Variants in MAP2K6 observed in about 807,000 individuals in gnomAD.
MAP2K6 encodes mitogen-activated protein kinase kinase 6.
A neutral mutation model predicts 53.7 loss-of-function variants in MAP2K6; 16 were observed. The observed-to-expected ratio is 0.30, with a 90% CI of 0.20 to 0.45. MAP2K6 has a LOEUF of 0.45. Ranked by LOEUF, MAP2K6 falls within the 20% of genes least tolerant of loss-of-function variation. MAP2K6 has a pLI of 1.00. For missense variants in MAP2K6, 204 were observed against 411.9 expected, an observed-to-expected ratio of 0.50 and a Z score of 4.37; for synonymous variants, 132 against 143.1, an observed-to-expected ratio of 0.92 and a Z score of 0.55.
chr17:69,521,620 T>A (rs544364346), intron 7 of MAP2K6: 2 of 152,326 alleles, frequency 1.3e-5, no homozygotes, highest in Admixed American at 1.3e-4. Context: ...ATTGGCCTGT[T>A]ATCTCTTCAA....
At chr17:69,483,950 C>T (rs1335855095) in intron 1 of MAP2K6, among the ~76,000 whole-genome samples, 1 of 151,912 alleles carries the variant, frequency 6.6e-6, no homozygotes, top group Non-Finnish European at 1.5e-5. Context: ...CTACAATTAA[C>T]CAAATACTTA....
intron 5 of MAP2K6, 108 bp downstream of exon 5, chr17:69,519,540 A>G: frequency 7.2e-7 from 1 of 1,381,794 alleles, no homozygotes; most frequent in Non-Finnish European, 1.0e-6. Flanking sequence ...TGTTTGACAC[A>G]TCTTGTATAC....
At chr17:69,539,796 CATTAAAAG>C (rs1400046746) in intron 11 of MAP2K6, among the ~76,000 whole-genome samples, 1 of 152,130 alleles carries the variant, frequency 6.6e-6, no homozygotes, top group Non-Finnish European at 1.5e-5. Context: ...CTTTTAAGTA[CATTAAAAG>C]ATTTCCAAAT....
intron 1 of MAP2K6, among the ~76,000 whole-genome samples, chr17:69,417,313 A>G (rs1905936479): frequency 6.6e-6 from 1 of 152,238 alleles, no homozygotes; most frequent in Non-Finnish European, 1.5e-5. Flanking sequence ...AAAAGTGGAT[A>G]CAATCTCATA....
chr17:69,478,098 C>G (rs997112636), intron 1 of MAP2K6, among the ~76,000 whole-genome samples: 2 of 152,128 alleles, frequency 1.3e-5, no homozygotes, highest in Non-Finnish European at 2.9e-5. Context: ...CATTTGAGTG[C>G]CTTATAGTTA....
chr17:69,541,797 G>C lies in MAP2K6; in HGVS notation c.*44G>C, dbSNP rs1303681313. 6.7e-7 allele frequency: 1 copy of C among 1,486,096 alleles called. No individual in the cohort carries two copies. Among genetic ancestry groups the C allele is most frequent in the South Asian group, 1.1e-5 (1 of 87,052 alleles). The allele number at this position is 1,486,096 out of a possible 1,614,324, so 92.1% of individuals were successfully genotyped here. On this transcript the variant is annotated 3_prime_UTR_variant, in exon 12 of 12. Transcript: ENST00000590474. ...GGTTGACCCTACTGTGGATTGGTGGGTTTCGGGGTGAAGCAAGTTCACTAC... is the reference window on the plus strand; with the variant it reads ...GGTTGACCCTACTGTGGATTGGTGGCTTTCGGGGTGAAGCAAGTTCACTAC...
chr17:69,541,882 T>TTTTTA lies in MAP2K6; in HGVS notation c.*129_*130insTTTTA. The TTTTTA allele has an allele frequency of 3.1e-6, 2 of 648,850 alleles. No homozygotes were observed. The highest frequency in any genetic ancestry group is 6.1e-5 in the Admixed American group (2 of 33,024). 40.2% of individuals were successfully genotyped at this position (648,850 alleles called of 1,614,324 possible). A position where few individuals can be genotyped will look rare whatever the true frequency, so the allele number is the denominator to read the frequency against. On this transcript the variant is annotated 3_prime_UTR_variant, in exon 12 of 12. Transcript: ENST00000590474. ...ACCCTGCCTCTCAGAGGGTTTTCTC[T>TTTTTA]CCCAATTTTCTTTTTACTCCCCCTC...
rs541701110 is a variant in MAP2K6, at chr17:69,546,061, G to C, written c.*4308G>C. The C allele has an allele frequency of 6.6e-6, 1 of 151,832 alleles. No homozygotes were observed. Among genetic ancestry groups the C allele is most frequent in the South Asian group, 2.1e-4 (1 of 4,818 alleles). 9.4% of individuals were successfully genotyped at this position (151,832 alleles called of 1,614,324 possible). ...AAATGTACAACATCTTGCTTAGCCT[G>C]TGTGTGTTCTGTGGTACCTTGGAAT... On this transcript the variant is annotated 3_prime_UTR_variant, in exon 12 of 12. Coordinates refer to ENST00000590474, the MANE Select transcript of MAP2K6 (RefSeq NM_002758.4).
intron 6 of MAP2K6, 53 bp downstream of exon 6, chr17:69,520,439 A>G (rs1164930776): frequency 7.3e-6 from 8 of 1,097,588 alleles, no homozygotes; most frequent in South Asian, 1.4e-5. Flanking sequence ...TAAAGTCCCT[A>G]TGTGTCTTTG....
intron 1 of MAP2K6, among the ~76,000 whole-genome samples, chr17:69,422,410 G>T (rs1906120006): frequency 6.6e-6 from 1 of 152,158 alleles, no homozygotes; most frequent in Non-Finnish European, 1.5e-5. Flanking sequence ...GGGATTACAG[G>T]TATGAGCCAC....
intron 1 of MAP2K6, among the ~76,000 whole-genome samples, chr17:69,465,478 G>T (rs928018626): frequency 9.2e-5 from 14 of 152,058 alleles, no homozygotes; most frequent in Admixed American, 6.5e-5. Flanking sequence ...TTTGTGAAGC[G>T]ACCTACTGTA....
chr17:69,466,633 A>G (rs921575235), intron 1 of MAP2K6, among the ~76,000 whole-genome samples: 3 of 152,350 alleles, frequency 2.0e-5, no homozygotes, highest in African/African-American at 7.2e-5. Flanking sequence ...GCTCTTAGCA[A>G]TCCCTGTGAA....
chr17:69,512,958 A>ATAT (rs1909940540), intron 2 of MAP2K6, among the ~76,000 whole-genome samples: 1 of 152,192 alleles, frequency 6.6e-6, no homozygotes, highest in East Asian at 1.9e-4. Context: ...AAAAATGAAT[A>ATAT]CTAGGTGACC....
intron 2 of MAP2K6, among the ~76,000 whole-genome samples, chr17:69,509,050 C>A (rs1348189214): frequency 1.3e-5 from 2 of 152,232 alleles, no homozygotes; most frequent in Non-Finnish European, 2.9e-5. Context: ...CATGATTCCT[C>A]TCACTCTGTT....
chr17:69,434,362 ACATTC>A (rs1283688238), intron 1 of MAP2K6: 23 of 152,120 alleles, frequency 1.5e-4, no homozygotes, highest in African/African-American at 5.3e-4. Context: ...TTGTAACTTA[ACATTC>A]CTGCCTGCCA....
chr17:69,478,210 A>G (rs1224282369), intron 1 of MAP2K6, among the ~76,000 whole-genome samples: 1 of 152,222 alleles, frequency 6.6e-6, no homozygotes, highest in African/African-American at 2.4e-5. Context: ...AGAAGGAGCT[A>G]TAGACAACTT....
At chr17:69,514,488 G>A (rs1423953644) in intron 2 of MAP2K6, among the ~76,000 whole-genome samples, 1 of 152,102 alleles carries the variant, frequency 6.6e-6, no homozygotes, top group Non-Finnish European at 1.5e-5. Flanking sequence ...ATTCCAAAAG[G>A]ATTTTGAGGT....
At chr17:69,415,066 A>G in intron 1 of MAP2K6, 66 bp downstream of exon 1, 1 of 1,456,008 alleles carries the variant, frequency 6.9e-7, no homozygotes, top group Non-Finnish European at 9.6e-7. Flanking sequence ...GAATGCATGG[A>G]TGCAATTTTC....
At chr17:69,512,329 T>G (rs1174432634) in intron 2 of MAP2K6, among the ~76,000 whole-genome samples, 1 of 65,224 alleles carries the variant, frequency 1.5e-5, no homozygotes, top group Admixed American at 1.3e-4. Context: ...TTTCTAAGTG[T>G]TTTTTTTTTG....
Sources: gnomAD v4.1 joint callset for allele counts (sites outside exome capture counted in the v4.1 genomes callset) on GRCh38, gnomAD v4.1.1 for gene constraint, MANE v1.5 for transcripts, NCBI Gene and HGNC (gene_info 2026-07-23, HGNC 2026-07-21) for gene names.